CCDC91: variants seen among roughly 807,000 people sequenced by gnomAD.
CCDC91 encodes coiled-coil domain containing 91, also known as coiled-coil domain-containing protein 91.
A neutral mutation model predicts 63.2 loss-of-function variants in CCDC91; 48 were observed. The observed-to-expected ratio is 0.76, with a 90% CI of 0.60 to 0.97. The LOEUF (loss-of-function observed/expected upper bound fraction) is 0.97. Ranked by LOEUF, CCDC91 falls within the 50% of genes least tolerant of loss-of-function variation. CCDC91 has a pLI of 0.00. For missense variants in CCDC91, 500 were observed against 494.6 expected, an observed-to-expected ratio of 1.01 and a Z score of -0.10; for synonymous variants, 167 against 165.8, an observed-to-expected ratio of 1.01 and a Z score of -0.06.
intron 6 of CCDC91, among the ~76,000 whole-genome samples, chr12:28,343,894 G>A (rs1942618801): frequency 6.6e-6 from 1 of 152,080 alleles, no homozygotes; most frequent in Non-Finnish European, 1.5e-5. Flanking sequence ...TAGGAAAATT[G>A]ACATTACTTT....
chr12:28,420,831 AT>A (rs1947960139), intron 8 of CCDC91, among the ~76,000 whole-genome samples: 1 of 151,660 alleles, frequency 6.6e-6, no homozygotes, highest in South Asian at 2.1e-4. Flanking sequence ...TATTTTCAAT[AT>A]CTGACATTTA....
chr12:28,344,800 C>T (rs139240189), intron 6 of CCDC91, among the ~76,000 whole-genome samples: 1 of 152,214 alleles, frequency 6.6e-6, no homozygotes, highest in African/African-American at 2.4e-5. Flanking sequence ...ACTATTTTCT[C>T]CCTCAGTAAA....
chr12:28,338,928 C>A, intron 6 of CCDC91, among the ~76,000 whole-genome samples: 1 of 152,078 alleles, frequency 6.6e-6, no homozygotes, highest in Non-Finnish European at 1.5e-5. Context: ...GCAACCTCCG[C>A]CTCTTAGGTT....
intron 1 of CCDC91, among the ~76,000 whole-genome samples, chr12:28,232,329 T>A (rs896742448): frequency 2.0e-5 from 3 of 150,952 alleles, no homozygotes; most frequent in African/African-American, 4.9e-5. Flanking sequence ...TACTTAAAAA[T>A]TTTTTTTTTC....
chr12:28,249,131 G>A (rs1274155406), intron 1 of CCDC91, among the ~76,000 whole-genome samples: 1 of 152,210 alleles, frequency 6.6e-6, no homozygotes, highest in Non-Finnish European at 1.5e-5. Context: ...GAAGTTTGAG[G>A]AGAGTTGGCA....
chr12:28,484,798 A>C (rs1566048451), intron 12 of CCDC91, among the ~76,000 whole-genome samples: 1 of 151,544 alleles, frequency 6.6e-6, no homozygotes, highest in Non-Finnish European at 1.5e-5. Context: ...ACAAAATAAG[A>C]AACTCTTTAA....
intron 1 of CCDC91, among the ~76,000 whole-genome samples, chr12:28,234,120 A>G (rs1469878579): frequency 6.6e-6 from 1 of 152,162 alleles, no homozygotes; most frequent in Non-Finnish European, 1.5e-5. Flanking sequence ...TTATCCATTT[A>G]AATTGGTCCC....
At chr12:28,485,443 G>A (rs1285768845) in intron 12 of CCDC91, among the ~76,000 whole-genome samples, 1 of 151,438 alleles carries the variant, frequency 6.6e-6, no homozygotes, top group African/African-American at 2.4e-5. Context: ...CAGGAATACA[G>A]GCATGAGCCA....
intron 1 of CCDC91, among the ~76,000 whole-genome samples, chr12:28,214,214 A>G (rs987691869): frequency 1.3e-5 from 2 of 152,158 alleles, no homozygotes; most frequent in East Asian, 1.9e-4. Context: ...CTCTGAATCA[A>G]TAGGCAAAGA....
chr12:28,203,222 C>G (rs1942597001), intron 1 of CCDC91, among the ~76,000 whole-genome samples: 1 of 152,128 alleles, frequency 6.6e-6, no homozygotes, highest in African/African-American at 2.4e-5. Flanking sequence ...AGCCATTTTT[C>G]TGTAATATGT....
intron 7 of CCDC91, among the ~76,000 whole-genome samples, chr12:28,368,403 G>A (rs577240506): frequency 1.5e-4 from 23 of 152,214 alleles, no homozygotes; most frequent in African/African-American, 3.6e-4. Context: ...TCTATCCTGT[G>A]CACTTGAGTA....
chr12:28,517,089 A>C (rs1428816124), intron 12 of CCDC91, among the ~76,000 whole-genome samples: 5 of 151,930 alleles, frequency 3.3e-5, no homozygotes, highest in African/African-American at 4.8e-5. Flanking sequence ...TCAAATTCAT[A>C]TCTCTCCTTC....
chr12:28,203,631 T>C (rs1055777884), intron 1 of CCDC91, among the ~76,000 whole-genome samples: 4 of 152,162 alleles, frequency 2.6e-5, no homozygotes, highest in African/African-American at 9.7e-5. Context: ...TTTAGGGAGG[T>C]GTCTGCAGTA....
intron 6 of CCDC91, among the ~76,000 whole-genome samples, chr12:28,343,255 C>G (rs1942571557): frequency 6.6e-6 from 1 of 151,324 alleles, no homozygotes; most frequent in Admixed American, 6.6e-5. Flanking sequence ...ATGTCCCTAT[C>G]AATTTATCAC....
chr12:28,252,486 A>G (rs1946188399), intron 1 of CCDC91, among the ~76,000 whole-genome samples: 1 of 151,906 alleles, frequency 6.6e-6, no homozygotes, highest in Non-Finnish European at 1.5e-5. Context: ...CTTTTTTAAA[A>G]GAAAATTTCC....
At chr12:28,520,813 A>G (rs1304115599) in intron 12 of CCDC91, among the ~76,000 whole-genome samples, 5 of 152,182 alleles carry the variant, frequency 3.3e-5, no homozygotes, top group Non-Finnish European at 7.3e-5. Flanking sequence ...TCCCAGCACC[A>G]TTCATTAAAT....
At chr12:28,204,514 G>T (rs1380864515) in intron 1 of CCDC91, among the ~76,000 whole-genome samples, 1 of 152,078 alleles carries the variant, frequency 6.6e-6, no homozygotes, top group Non-Finnish European at 1.5e-5. Context: ...CCTAGTGTAA[G>T]CAATTTCAAA....
At chr12:28,308,644 A>G (rs1707985002) in intron 6 of CCDC91, among the ~76,000 whole-genome samples, 1 of 151,872 alleles carries the variant, frequency 6.6e-6, no homozygotes, top group Non-Finnish European at 1.5e-5. Flanking sequence ...ATTCCCTCAG[A>G]TACCTGCATG....
intron 6 of CCDC91, among the ~76,000 whole-genome samples, chr12:28,309,415 A>G (rs1433836782): frequency 6.6e-6 from 1 of 152,064 alleles, no homozygotes; most frequent in Non-Finnish European, 1.5e-5. Flanking sequence ...TAGGATATTA[A>G]CAAGTTTTAT....
Sources: gnomAD v4.1 joint callset for allele counts (sites outside exome capture counted in the v4.1 genomes callset) on GRCh38, gnomAD v4.1.1 for gene constraint, MANE v1.5 for transcripts, NCBI Gene and HGNC (gene_info 2026-07-23, HGNC 2026-07-21) for gene names.